Variants in PAICS observed in about 807,000 individuals in gnomAD.
The protein encoded by PAICS is bifunctional phosphoribosylaminoimidazole carboxylase/phosphoribosylaminoimidazole succinocarboxamide synthetase.
Under a neutral mutation model 53.7 loss-of-function variants are expected in PAICS, and 33 were observed. The observed-to-expected ratio is 0.61, with a 90% CI of 0.47 to 0.82. The LOEUF (loss-of-function observed/expected upper bound fraction) is 0.82, where lower values mean the gene tolerates loss of function less well. Among genes scored for constraint, PAICS ranks in the 40% least tolerant of loss-of-function variants. PAICS has a pLI of 0.00. For synonymous variants in PAICS, 141 were observed against 167.2 expected, an observed-to-expected ratio of 0.84 and a Z score of 1.21; for missense variants, 394 against 494.1, an observed-to-expected ratio of 0.80 and a Z score of 1.92.
Position 56,442,230 on chromosome 4 carries a change from A to C in PAICS, c.214+370A>C, listed in dbSNP as rs185316289. Among the ~76,000 whole-genome samples the C allele has an allele frequency of 7.9e-5, 12 of 152,288 alleles. No individual in the cohort carries two copies. The East Asian group carries it at 2.3e-3, about 29-fold the overall frequency. ...AATTTACTCCCTGTAATTCTATACA[A>C]ATGGTCTTTGTTCTGCCTCTGGGAG... On this transcript the variant is annotated intron_variant, in intron 2 of 8. Transcript: ENST00000512576.
At position 56,461,393 on chromosome 4, in the gene PAICS, T is replaced by G. The variant is rs890788710; in HGVS notation, c.*1855T>G. 4 of 152,256 alleles carry G rather than the reference T, an allele frequency of 2.6e-5. No individual in the cohort carries two copies. Among genetic ancestry groups the G allele is most frequent in the Non-Finnish European group, 5.9e-5 (4 of 68,042 alleles). 9.4% of individuals were successfully genotyped at this position (152,256 alleles called of 1,614,324 possible). On this transcript the variant is annotated 3_prime_UTR_variant, in exon 9 of 9. Coordinates refer to ENST00000512576, the MANE Select transcript of PAICS (RefSeq NM_001079524.2). The stretch of plus-strand genomic sequence containing the variant: ...TTTCATGGTCTCTGAAGTCACTGAC[T>G]GCTATTTCAGCTTGTTTACCCTTAC...
At chr4:56,435,298 G>A (rs1356884182), upstream of PAICS, 11 of 1,607,362 alleles carry the variant, frequency 6.8e-6, no homozygotes, top group African/African-American at 5.3e-5. Context: ...TGCGGGAAGC[G>A]GCTCCGAGAG....
At chr4:56,410,930 A>T in the PAICS span, 51 of 887,064 alleles carry the variant, frequency 5.7e-5, no homozygotes, top group South Asian at 1.6e-3. Flanking sequence ...AAAAAAAAAG[A>T]AAAGTACTCT....
chr4:56,442,102 A>C, intron 2 of PAICS: 1 of 412,920 alleles, frequency 2.4e-6, no homozygotes, highest in South Asian at 4.4e-5. Flanking sequence ...TGGCACATGC[A>C]CTCTCTGTGC....
At chr4:56,421,975 A>C in the PAICS span, 1 of 152,232 alleles carries the variant, frequency 6.6e-6, no homozygotes, top group Non-Finnish European at 1.5e-5. Flanking sequence ...ATTAGAGTTT[A>C]AAACACAATT....
chr4:56,453,699 G>T lies in PAICS; in HGVS notation c.1049G>T (p.Cys350Phe). The change falls in exon 8 of 9, where the codon TGT becomes TTT. Residue 350 changes from cysteine (C) to phenylalanine (F), a missense_variant. Transcript: ENST00000512576. The part of the protein sequence containing the change: ...SGNTAYPVIS[C>F]PPLTPDWGVQ... ...AACACTGCATATCCAGTTATCAGCT[G>T]TCCTCCCCTCACACCAGACTGGGGA... 1 of 1,557,980 alleles carries T rather than the reference G, an allele frequency of 6.4e-7. No homozygotes were observed. The highest frequency in any genetic ancestry group is 1.4e-5 in the African/African-American group (1 of 73,752).
chr4:56,426,351 G>A, the PAICS span, among the ~76,000 whole-genome samples: 7 of 151,854 alleles, frequency 4.6e-5, no homozygotes, highest in African/African-American at 7.3e-5. Context: ...GCAGTGAGCC[G>A]TGGTCACACC....
chr4:56,433,882 G>A (rs1717746515), upstream of PAICS, among the ~76,000 whole-genome samples: 1 of 152,082 alleles, frequency 6.6e-6, no homozygotes, highest in African/African-American at 2.4e-5. Context: ...AGCAGAGATG[G>A]GGTTTCACCA....
rs1719032340 is a variant in PAICS at position 56,453,588 on chromosome 4, T to C, written c.953-15T>C. ...TTGAATGTTTAGCATAATTATACTC[T>C]TGTCATTTCCCTAGGGGATGGCATT... On this transcript the variant is annotated splice_polypyrimidine_tract_variant and intron_variant, in intron 7 of 8. Transcript: ENST00000512576. 1 of 1,566,622 alleles carries C rather than the reference T, an allele frequency of 6.4e-7. No individual in the cohort carries two copies. Among genetic ancestry groups the C allele is most frequent in the South Asian group, 1.2e-5 (1 of 86,314 alleles).
At chr4:56,434,160 A>T (rs1304494448), upstream of PAICS, among the ~76,000 whole-genome samples, 1 of 152,238 alleles carries the variant, frequency 6.6e-6, no homozygotes, top group African/African-American at 2.4e-5. Context: ...TACGCAAGTT[A>T]AAAATATTCT....
chr4:56,437,992 A>G (rs1469558653), intron 1 of PAICS, among the ~76,000 whole-genome samples: 2 of 151,738 alleles, frequency 1.3e-5, no homozygotes, highest in African/African-American at 2.4e-5. Flanking sequence ...ACTTCTTTCC[A>G]TTTGTGTACC....
chr4:56,443,367 T>A (rs1204262028), intron 2 of PAICS, among the ~76,000 whole-genome samples: 1 of 152,164 alleles, frequency 6.6e-6, no homozygotes, highest in Admixed American at 6.5e-5. Flanking sequence ...TTTGTATTTT[T>A]AGTAGAGACG....
In PAICS at chr4:56,462,393, A is replaced by G. The variant is rs2110105266; in HGVS notation, c.*2855A>G. On this transcript the variant is annotated 3_prime_UTR_variant, in exon 9 of 9. Transcript: ENST00000512576. ...CACTGAAGTGTGACAGGAAAAACTC[A>G]GTTTGAGCAGAGGCTTGACATACTT... The G allele has an allele frequency of 6.6e-6, 1 of 152,356 alleles. No homozygotes were observed. Among genetic ancestry groups the G allele is most frequent in the East Asian group, 1.9e-4 (1 of 5,186 alleles). 9.4% of individuals were successfully genotyped at this position (152,356 alleles called of 1,614,324 possible). A position where few individuals can be genotyped will look rare whatever the true frequency, so the allele number is the denominator to read the frequency against.
chr4:56,455,973 CTT>C (rs1015114196), intron 8 of PAICS, among the ~76,000 whole-genome samples: 4 of 152,204 alleles, frequency 2.6e-5, no homozygotes, highest in African/African-American at 9.6e-5. Context: ...CATATTCTCT[CTT>C]CTCATTTTTG....
chr4:56,411,076 ATTT>A, the PAICS span, among the ~76,000 whole-genome samples: 1 of 152,104 alleles, frequency 6.6e-6, no homozygotes, highest in Non-Finnish European at 1.5e-5. Context: ...AAGGTTAAGA[ATTT>A]TTTTAAAAAG....
intron 5 of PAICS, 38 bp from the exon 6 acceptor site, chr4:56,450,581 A>C: frequency 1.9e-6 from 2 of 1,077,214 alleles, no homozygotes; most frequent in Non-Finnish European, 2.8e-6. Flanking sequence ...AGGTAGCAAG[A>C]GATACTTGTT....
rs1459640407 is a variant in PAICS, at chr4:56,448,800, C to G, written c.664C>G (p.Arg222Gly). 2.5e-6 allele frequency: 4 copies of G among 1,579,468 alleles called. No homozygotes were observed. The highest frequency in any genetic ancestry group is 3.5e-6 in the Non-Finnish European group (4 of 1,156,480). ...CTGGAGACTCTGGCCATCAGGAGAT[C>G]GAAGCCAACAGAAAGACAAACAGGT... is the stretch of plus-strand genomic sequence containing the variant. ...DSWRLWPSGD[R>G]SQQKDKQSYR... The change falls in exon 5 of 9, where the codon CGA (arginine) becomes GGA (glycine). Residue 222 changes from arginine to glycine, a missense_variant. Around this residue, in one of 3 missense-constraint regions of PAICS, gnomAD observed 131 missense variants for 205.5 expected, o/e 0.64. Transcript: ENST00000512576.
chr4:56,441,674 G>A lies in PAICS; in HGVS notation c.28G>A (p.Gly10Ser). Residue 10 changes from glycine (G) to serine (S), a missense_variant, in exon 2 of 9, where the codon GGT becomes AGT. Physicochemically the swap from Gly to Ser is moderately conservative, Grantham distance 56. Coordinates refer to ENST00000512576, the MANE Select transcript of PAICS (RefSeq NM_001079524.2). The part of the protein sequence containing the change: MATAEVLNI[G>S]KKLYEGKTKE... ...TTTTATTTCCACAGTACTGAACATT[G>A]GTAAAAAATTATATGAGGGTAAAAC... is the stretch of plus-strand genomic sequence containing the variant. 1 of 1,568,458 alleles carries A rather than the reference G, an allele frequency of 6.4e-7. No homozygotes were observed. Among genetic ancestry groups the A allele is most frequent in the Non-Finnish European group, 8.6e-7 (1 of 1,157,642 alleles).
At chr4:56,417,637 C>A in the PAICS span, among the ~76,000 whole-genome samples, 1 of 152,002 alleles carries the variant, frequency 6.6e-6, no homozygotes, top group African/African-American at 2.4e-5. Flanking sequence ...TAAAAATAGT[C>A]CAGGTGCAGT....
Sources: gnomAD v4.1 joint callset for allele counts (sites outside exome capture counted in the v4.1 genomes callset) on GRCh38, gnomAD v4.1.1 for gene constraint, gnomAD v4.1.1 regional missense constraint, MANE v1.5 for transcripts, NCBI Gene and HGNC (gene_info 2026-07-23, HGNC 2026-07-21) for gene names.